ANKRD17: variants seen among roughly 807,000 people sequenced by gnomAD.
ANKRD17 encodes the protein ankyrin repeat domain-containing protein 17.
A neutral mutation model predicts 229.7 loss-of-function variants in ANKRD17; 19 were observed. The observed-to-expected ratio is 0.08, with a 90% CI of 0.06 to 0.12. The LOEUF (loss-of-function observed/expected upper bound fraction) is 0.12. Among genes scored for constraint, ANKRD17 ranks in the 10% least tolerant of loss-of-function variants. ANKRD17 has a pLI of 1.00. For missense variants in ANKRD17, 2,176 were observed against 3,176.8 expected (o/e 0.68, Z 7.57); for synonymous variants, 1,112 against 1,146.1 (o/e 0.97, Z 0.60).
Position 73,258,439 on chromosome 4 carries a change from T to C in ANKRD17, c.230A>G (p.Asn77Ser). 6.2e-7 allele frequency: 1 copy of C among 1,609,268 alleles called. No homozygotes were observed. Residue 77 changes from asparagine to serine, a missense_variant, in exon 1 of 34, where the codon AAC becomes AGC. Asn to Ser is a conservative substitution (Grantham distance 46, BLOSUM62 1). Coordinates refer to ENST00000358602, the MANE Select transcript of ANKRD17 (RefSeq NM_032217.5). ...GCTGCTGGGGGGTCGGCAAGTCCGG[T>C]TACGCTTGGCCTTGTGGTGCTGCTG... ...PQQQHHKAKR[N>S]RTCRPPSSSE...
chr4:73,098,015 A>T, intron 26 of ANKRD17, 58 bp downstream of exon 26: 1 of 1,456,450 alleles, frequency 6.9e-7, no homozygotes, highest in Non-Finnish European at 9.2e-7. Flanking sequence ...CAACAAATTC[A>T]GTAATAAGGT....
chr4:73,108,943 C>T (rs539143938), intron 24 of ANKRD17, among the ~76,000 whole-genome samples: 1 of 152,292 alleles, frequency 6.6e-6, no homozygotes, highest in Non-Finnish European at 1.5e-5. Context: ...TTGCTACGGA[C>T]AGTGCTGTTG....
chr4:73,133,270 C>T (rs1255478836), intron 16 of ANKRD17, among the ~76,000 whole-genome samples: 1 of 151,628 alleles, frequency 6.6e-6, no homozygotes, highest in East Asian at 1.9e-4. Context: ...AAATAAAAAG[C>T]CTCAAAGCAA....
At chr4:73,148,788 TTA>T in intron 8 of ANKRD17, 23 bp downstream of exon 8, 1 of 1,583,186 alleles carries the variant, frequency 6.3e-7, no homozygotes, top group Admixed American at 1.7e-5. Context: ...CATTTATACT[TTA>T]GTGTCTTGAT....
At chr4:73,081,178 C>T (rs1287804556) in intron 30 of ANKRD17, among the ~76,000 whole-genome samples, 2 of 152,174 alleles carry the variant, frequency 1.3e-5, no homozygotes, top group African/African-American at 2.4e-5. Flanking sequence ...ATGAGCTGAG[C>T]CAATCACATT....
intron 1 of ANKRD17, among the ~76,000 whole-genome samples, chr4:73,253,425 T>C (rs1745198974): frequency 6.6e-6 from 1 of 152,224 alleles, no homozygotes; most frequent in African/African-American, 2.4e-5. Context: ...ACCTACTTCA[T>C]AGGGTTATGG....
intron 21 of ANKRD17, 30 bp from the exon 22 acceptor site, chr4:73,118,880 CTTTTTTTTT>C (rs751549226): frequency 1.0e-4 from 81 of 804,688 alleles, no homozygotes; most frequent in Non-Finnish European, 1.2e-4. Flanking sequence ...ATAGCATTGT[CTTTTTTTTT>C]TTTTTTTTTT....
intron 1 of ANKRD17, among the ~76,000 whole-genome samples, chr4:73,204,708 C>G (rs1452034787): frequency 6.6e-6 from 1 of 151,980 alleles, no homozygotes; most frequent in Non-Finnish European, 1.5e-5. Flanking sequence ...AAATAAGATA[C>G]ATGACAATAT....
Position 73,083,930 on chromosome 4 carries a change from TAAAAAAAAAAACAAAACAA to T in ANKRD17, c.7159+1300_7159+1318del, listed in dbSNP as rs1438159556. Among the ~76,000 whole-genome samples, 5 of 98,216 alleles carry T rather than the reference TAAAAAAAAAAACAAAACAA, an allele frequency of 5.1e-5. No homozygotes were observed. In the East Asian group the frequency reaches 1.4e-3, roughly 27 times the overall value. 64.4% of individuals were successfully genotyped at this position (98,216 alleles called of 152,430 possible). ...TGCTAGTTAGAAGAAATTTGATAGTTAAAAAAAAAAACAAAACAAAAAAAAAAAAACCGAAGTCTTACTA... is the reference window on the plus strand; with the variant it reads ...TGCTAGTTAGAAGAAATTTGATAGTTAAAAAAAAAAACCGAAGTCTTACTA... On this transcript the variant is annotated intron_variant, in intron 30 of 33. Transcript: ENST00000358602.
chr4:73,202,318 T>TAAAAAAA (rs10533861), intron 1 of ANKRD17, among the ~76,000 whole-genome samples: 1 of 21,938 alleles, frequency 4.6e-5, no homozygotes, highest in African/African-American at 1.9e-4. Flanking sequence ...GGAACAGGAT[T>TAAAAAAA]AAAAAAAAAA....
intron 2 of ANKRD17, among the ~76,000 whole-genome samples, chr4:73,169,933 A>G (rs1479961305): frequency 6.6e-6 from 1 of 152,208 alleles, no homozygotes; most frequent in Non-Finnish European, 1.5e-5. Context: ...TTTGACTTCC[A>G]GCAAGCCCTG....
At position 73,258,592 on chromosome 4, in the gene ANKRD17, A is replaced by C. The variant is rs1207421148; in HGVS notation, c.77T>G (p.Val26Gly). The change falls in exon 1 of 34, where the codon GTG (valine) becomes GGG (glycine). Residue 26 changes from valine to glycine, a missense_variant. Val to Gly is a moderately radical substitution (Grantham distance 109). Around this residue, in one of 18 missense-constraint regions of ANKRD17, gnomAD observed 196 missense variants for 190.0 expected, o/e 1.03. Transcript: ENST00000358602. ...CTCCGCCGCCGCGGGGGGGCCCGCC[A>C]CAGCCGCCACCGCCGGGGGGCTCCC... is the stretch of plus-strand genomic sequence containing the variant. The part of the protein sequence containing the change: ...GEGSPPAVAA[V>G]AGPPAAAEVG... 13 of 1,470,420 alleles carry C rather than the reference A, an allele frequency of 8.8e-6. No individual in the cohort carries two copies. The Admixed American group carries it at 1.0e-4, about 11-fold the overall frequency. 91.1% of individuals were successfully genotyped at this position (1,470,420 alleles called of 1,614,324 possible).
At chr4:73,206,165 A>C (rs914468428) in intron 1 of ANKRD17, among the ~76,000 whole-genome samples, 1 of 152,186 alleles carries the variant, frequency 6.6e-6, no homozygotes, top group Non-Finnish European at 1.5e-5. Context: ...CATTATGGAA[A>C]ACAGTACAGA....
intron 1 of ANKRD17, among the ~76,000 whole-genome samples, chr4:73,231,795 G>A (rs1301178188): frequency 6.6e-6 from 1 of 152,168 alleles, no homozygotes; most frequent in Non-Finnish European, 1.5e-5. Context: ...CCAAAAAGGG[G>A]AGAATAAAAG....
At chr4:73,213,093 A>T (rs900400930) in intron 1 of ANKRD17, among the ~76,000 whole-genome samples, 1 of 152,086 alleles carries the variant, frequency 6.6e-6, no homozygotes, top group African/African-American at 2.4e-5. Flanking sequence ...CAAGTCAAAT[A>T]ATATATAATT....
chr4:73,084,217 A>C (rs1577992518), intron 30 of ANKRD17, among the ~76,000 whole-genome samples: 1 of 152,140 alleles, frequency 6.6e-6, no homozygotes, highest in East Asian at 1.9e-4. Flanking sequence ...GTCTCTACTA[A>C]AAATACAAAA....
intron 24 of ANKRD17, among the ~76,000 whole-genome samples, chr4:73,108,710 C>G (rs1399689843): frequency 6.6e-6 from 1 of 152,066 alleles, no homozygotes; most frequent in Non-Finnish European, 1.5e-5. Flanking sequence ...GCCAGCCTGT[C>G]AGGAACAGAT....
intron 1 of ANKRD17, among the ~76,000 whole-genome samples, chr4:73,245,803 A>G (rs1744446963): frequency 6.6e-6 from 1 of 152,194 alleles, no homozygotes. Flanking sequence ...AAATAAGAGA[A>G]TCAGCTGGTT....
At chr4:73,125,105 CA>C in intron 17 of ANKRD17, 47 bp from the exon 18 acceptor site, 7 of 1,606,062 alleles carry the variant, frequency 4.4e-6, no homozygotes, top group Non-Finnish European at 6.0e-6. Flanking sequence ...GGCAAAAGAA[CA>C]AAATATCTGA....
Sources: allele counts gnomAD v4.1 joint callset (sites outside exome capture counted in the v4.1 genomes callset), GRCh38; gene constraint gnomAD v4.1.1; regional missense constraint gnomAD v4.1.1; transcripts MANE v1.5; gene names NCBI Gene and HGNC (gene_info 2026-07-23, HGNC 2026-07-21).